The following KDM6B variants were observed in gnomAD, a reference collection of about 807,000 sequenced individuals.
The protein encoded by KDM6B is lysine-specific demethylase 6B.
A neutral mutation model predicts 150.4 loss-of-function variants in KDM6B; 22 were observed. The ratio of observed to expected loss-of-function variants is 0.15; its 90% CI spans 0.10 to 0.21. KDM6B has a LOEUF of 0.21. Ranked by LOEUF, KDM6B falls within the 10% of genes least tolerant of loss-of-function variation. KDM6B has a pLI of 1.00. For missense variants in KDM6B, 1,984 were observed against 2,234.3 expected (o/e 0.89, Z 2.26); for synonymous variants, 1,148 against 921.1 (o/e 1.25, Z -4.46).
intron 1 of KDM6B, among the ~76,000 whole-genome samples, chr17:7,835,595 G>A (rs1340068201): frequency 6.6e-6 from 1 of 152,050 alleles, no homozygotes; most frequent in Non-Finnish European, 1.5e-5. Context: ...CGCCCAATCC[G>A]CTCCAGCGGT....
In KDM6B at chr17:7,848,765, C is replaced by T; in HGVS notation, c.2477C>T (p.Ser826Phe). 1 of 1,612,880 alleles carries T rather than the reference C, an allele frequency of 6.2e-7. No homozygotes were observed. The stretch of plus-strand genomic sequence containing the variant: ...TATCGGGGGACTGGAGCAGCTGTTT[C>T]CACCCGGCCTGGGCCCTTGCCCACC... Reference protein sequence around the residue: ...YCYRGTGAAVSTRPGPLPTTQ... With the variant: ...YCYRGTGAAVFTRPGPLPTTQ... The change falls in exon 12 of 24, where the codon TCC becomes TTC. Residue 826 changes from serine to phenylalanine, a missense_variant. This residue lies in a region of KDM6B where 1,379 missense variants were observed against 1,275.6 expected (regional missense o/e 1.08). Transcript: ENST00000448097.
In KDM6B at chr17:7,847,796, A is replaced by G; in HGVS notation, c.1508A>G (p.Glu503Gly). ...AAREDGEILEELFFGTEGPPR... is the reference protein window; with the variant it reads ...AAREDGEILEGLFFGTEGPPR... Reference sequence around the variant, plus strand: ...CGAGAGGATGGAGAGATCTTAGAAGAGCTCTTCTTTGGGACTGAGGGACCC... The same window carrying G: ...CGAGAGGATGGAGAGATCTTAGAAGGGCTCTTCTTTGGGACTGAGGGACCC... The change falls in exon 12 of 24, where the codon GAG becomes GGG. Residue 503 changes from glutamate (E) to glycine (G), a missense_variant. Around this residue, in one of 13 missense-constraint regions of KDM6B, gnomAD observed 1,379 missense variants for 1,275.6 expected, o/e 1.08. Coordinates refer to ENST00000448097, the MANE Select transcript of KDM6B (RefSeq NM_001348716.2). The G allele has an allele frequency of 6.5e-7, 1 of 1,549,894 alleles. No homozygotes were observed. Among genetic ancestry groups the G allele is most frequent in the Non-Finnish European group, 8.7e-7 (1 of 1,148,468 alleles).
chr17:7,836,341 C>T (rs1319236566), intron 1 of KDM6B, among the ~76,000 whole-genome samples: 1 of 152,238 alleles, frequency 6.6e-6, no homozygotes, highest in Non-Finnish European at 1.5e-5. Context: ...TCCACTCGTC[C>T]TTCTTCGCTT....
At position 7,852,206 on chromosome 17, in the gene KDM6B, A is replaced by T. The variant is rs771286795; in HGVS notation, c.4338A>T (p.Ala1446=). The T allele has an allele frequency of 2.5e-6, 4 of 1,614,112 alleles. No homozygotes were observed. The part of the protein sequence containing the change: ...SWWPILDDLY[A]SNIPVYRFVQ... ...GGCCAATCCTGGATGATCTCTATGC[A>T]TCCAATATTCCTGTGTACCGCTTCG... The change falls in exon 20 of 24, where the codon GCA becomes GCT. Residue 1446 remains alanine, a synonymous_variant. Transcript: ENST00000448097.
rs751003701 is a variant in KDM6B at position 7,849,892 on chromosome 17, A to T, written c.3512A>T (p.Asn1171Ile). Residue 1171 changes from asparagine to isoleucine, a missense_variant, in exon 13 of 24, where the codon AAC (asparagine) becomes ATC (isoleucine). Asn to Ile is a moderately radical substitution (Grantham distance 149). Transcript: ENST00000448097. ...SPAQSVKPKI[N>I]TEEKLPREKL... ...GCCCAGTCTGTGAAACCGAAGATCA[A>T]CACTGAGGAGAAGCTGCCCCGGGAA... The T allele has an allele frequency of 6.2e-6, 10 of 1,613,508 alleles. No homozygotes were observed. The Admixed American group carries it at 1.7e-4, about 27-fold the overall frequency.
intron 21 of KDM6B, 69 bp from the exon 22 acceptor site, chr17:7,852,930 GC>G: frequency 6.2e-7 from 1 of 1,607,700 alleles, no homozygotes; most frequent in Non-Finnish European, 8.5e-7. Flanking sequence ...CCACCCCTCT[GC>G]CCTTGCTCCA....
At chr17:7,845,800 C>T in intron 5 of KDM6B, 72 bp from the exon 6 acceptor site, 1 of 1,580,646 alleles carries the variant, frequency 6.3e-7, no homozygotes, top group East Asian at 2.2e-5. Context: ...TTCCGTGCAT[C>T]AGCCCCCTCC....
At position 7,843,211 on chromosome 17, in the gene KDM6B, G is replaced by T. The variant is rs2078453468; in HGVS notation, c.-268-1690G>T. Among the ~76,000 whole-genome samples the T allele has an allele frequency of 6.6e-6, 1 of 152,112 alleles. No homozygotes were observed. Among genetic ancestry groups the T allele is most frequent in the Admixed American group, 6.5e-5 (1 of 15,282 alleles). Reference sequence around the variant, plus strand: ...CCAAGCAGGCATCTGCCCCTCTGTTGTCTGGTTCCCCGGCTCCCCCTCCAC... The same window carrying T: ...CCAAGCAGGCATCTGCCCCTCTGTTTTCTGGTTCCCCGGCTCCCCCTCCAC... On this transcript the variant is annotated intron_variant, in intron 2 of 23. Transcript: ENST00000448097. The surrounding 1 kb of genome is among the most constrained non-coding windows in gnomAD (Gnocchi z 4.5).
In KDM6B at chr17:7,848,104, C is replaced by G; in HGVS notation, c.1816C>G (p.Leu606Val). 6.2e-7 allele frequency: 1 copy of G among 1,612,974 alleles called. No homozygotes were observed. Among genetic ancestry groups the G allele is most frequent in the African/African-American group, 1.3e-5 (1 of 74,944 alleles). The change falls in exon 12 of 24, where the codon CTG becomes GTG. Residue 606 changes from leucine (L) to valine (V), a missense_variant. Physicochemically the swap from Leu to Val is conservative, Grantham distance 32 (BLOSUM62 1). Around this residue, in one of 13 missense-constraint regions of KDM6B, gnomAD observed 1,379 missense variants for 1,275.6 expected, o/e 1.08. Transcript: ENST00000448097. ...ACCTCTTGTACCCCTGACTCTTGCC[C>G]TGCCTCCAGCCCCTCCTTCCTCCTG... ...DPPLVPLTLA[L>V]PPAPPSSCHQ... is the part of the protein sequence containing the mutation.
intron 2 of KDM6B, among the ~76,000 whole-genome samples, chr17:7,842,229 G>T (rs1030074072): frequency 1.3e-5 from 2 of 152,186 alleles, no homozygotes; most frequent in African/African-American, 2.4e-5. Flanking sequence ...GGGGGCGGGG[G>T]GTAGGGGGTC....
chr17:7,850,999 C>CCTGCT, intron 14 of KDM6B, 22 bp from the exon 15 acceptor site: 1 of 1,577,792 alleles, frequency 6.3e-7, no homozygotes, highest in Non-Finnish European at 8.6e-7. Flanking sequence ...GCCCCGACAC[C>CCTGCT]CTGCTCGGCC....
chr17:7,847,512 G>A, intron 11 of KDM6B, 34 bp from the exon 12 acceptor site: 1 of 1,612,956 alleles, frequency 6.2e-7, no homozygotes. Context: ...GGCAGCCCGA[G>A]CAATGCTCCT....
Position 7,849,432 on chromosome 17 carries a change from A to G in KDM6B, c.3144A>G (p.Thr1048=), listed in dbSNP as rs1166145984. 1.2e-6 allele frequency: 2 copies of G among 1,612,148 alleles called. No individual in the cohort carries two copies. The highest frequency in any genetic ancestry group is 1.3e-5 in the African/African-American group (1 of 74,910). ...LGGASKAKPP[T]APAPPSAPAP... ...GGGCCTCCAAGGCCAAGCCACCCACAGCTCCAGCCCCTCCATCAGCTCCTG... is the reference window on the plus strand; with the variant it reads ...GGGCCTCCAAGGCCAAGCCACCCACGGCTCCAGCCCCTCCATCAGCTCCTG... The change falls in exon 12 of 24, where the codon ACA becomes ACG. Residue 1048 remains threonine, a synonymous_variant. Transcript: ENST00000448097.
Position 7,846,981 on chromosome 17 carries a change from C to T in KDM6B, c.874C>T (p.Pro292Ser). Residue 292 changes from proline (P) to serine (S), a missense_variant, in exon 10 of 24, where the codon CCA becomes TCA. This residue lies in a region of KDM6B where 1,379 missense variants were observed against 1,275.6 expected (regional missense o/e 1.08). Transcript: ENST00000448097. ...WSTLHGDAWG[P>S]ERKGSAPPER... ...TACCCTGCATGGAGATGCCTGGGGC[C>T]CAGAGCGCAAGGGTTCAGCACCCCC... The T allele has an allele frequency of 6.2e-7, 1 of 1,613,086 alleles. No individual in the cohort carries two copies. The highest frequency in any genetic ancestry group is 1.1e-5 in the South Asian group (1 of 91,066).
At chr17:7,835,351 G>A (rs941971581) in intron 1 of KDM6B, among the ~76,000 whole-genome samples, 2 of 152,066 alleles carry the variant, frequency 1.3e-5, no homozygotes, top group Non-Finnish European at 2.9e-5. Context: ...GAAGACTGTG[G>A]GGAAGGCCGA....
At chr17:7,835,967 C>G (rs1348463631) in intron 1 of KDM6B, among the ~76,000 whole-genome samples, 2 of 152,264 alleles carry the variant, frequency 1.3e-5, no homozygotes, top group East Asian at 1.9e-4. Context: ...CCACCTCCCC[C>G]CAGCTGGCGC....
At chr17:7,851,841 A>AG (rs1342971905) in intron 18 of KDM6B, 45 bp downstream of exon 18, 3 of 1,563,116 alleles carry the variant, frequency 1.9e-6, no homozygotes, top group Non-Finnish European at 2.6e-6. Context: ...GCGCGAGAGG[A>AG]GGGGCTGGCG....
intron 2 of KDM6B, among the ~76,000 whole-genome samples, chr17:7,841,923 CGT>C (rs1359508301): frequency 1.3e-5 from 2 of 152,216 alleles, no homozygotes; most frequent in Non-Finnish European, 1.5e-5. Flanking sequence ...AAGAAGCGAG[CGT>C]GTAACCCCTC....
At position 7,847,388 on chromosome 17, in the gene KDM6B, C is replaced by G. The variant is rs529988217; in HGVS notation, c.1193C>G (p.Thr398Ser). The change falls in exon 11 of 24, where the codon ACC becomes AGC. Residue 398 changes from threonine (T) to serine (S), a missense_variant. Physicochemically the swap from Thr to Ser is moderately conservative, Grantham distance 58. Coordinates refer to ENST00000448097, the MANE Select transcript of KDM6B (RefSeq NM_001348716.2). ...SRPPGLPGTT[T>S]SSSSSSSSNT... ...CCCCCTGGCCTCCCCGGCACCACCA[C>G]CAGCAGCAGCAGTAGCAGCAGCAGC... The G allele has an allele frequency of 4.5e-5, 72 of 1,613,478 alleles. No individual in the cohort carries two copies. The highest frequency in any genetic ancestry group is 6.7e-5 in the East Asian group (3 of 44,892).
Sources: gnomAD v4.1 joint callset for allele counts (sites outside exome capture counted in the v4.1 genomes callset) on GRCh38, gnomAD v4.1.1 for gene constraint, gnomAD v4.1.1 regional missense constraint, Gnocchi (gnomAD v3.1) non-coding constraint, MANE v1.5 for transcripts, NCBI Gene and HGNC (gene_info 2026-07-23, HGNC 2026-07-21) for gene names.